Variants in BMPER observed in about 807,000 individuals in gnomAD.
The protein encoded by BMPER is BMP-binding endothelial regulator protein.
In BMPER, 45 loss-of-function variants were observed where a neutral mutation model predicts 87.3. The ratio of observed to expected loss-of-function variants is 0.52; its 90% CI spans 0.41 to 0.66. The LOEUF is 0.66. Among genes scored for constraint, BMPER ranks in the 30% least tolerant of loss-of-function variants. BMPER has a pLI of 0.00. For synonymous variants in BMPER, 326 were observed against 316.2 expected (o/e 1.03, Z -0.33); for missense variants, 784 against 867.5 (o/e 0.90, Z 1.21).
chr7:33,993,534 A>C (rs1221989727), intron 6 of BMPER, among the ~76,000 whole-genome samples: 1 of 151,626 alleles, frequency 6.6e-6, no homozygotes, highest in African/African-American at 2.4e-5. Flanking sequence ...TTTTTTTTCA[A>C]AGTTTTCAAC....
intron 6 of BMPER, among the ~76,000 whole-genome samples, chr7:34,020,026 A>G (rs1198554738): frequency 6.7e-6 from 1 of 150,162 alleles, no homozygotes; most frequent in Non-Finnish European, 1.5e-5. Flanking sequence ...GGAAAGAAGG[A>G]TTTGAAAGGG....
chr7:34,015,887 T>C (rs1261421925), intron 6 of BMPER, among the ~76,000 whole-genome samples: 1 of 151,816 alleles, frequency 6.6e-6, no homozygotes, highest in Non-Finnish European at 1.5e-5. Context: ...AAATAACATA[T>C]GTTTTAGGAG....
chr7:34,092,655 G>C (rs1186886132), intron 13 of BMPER, among the ~76,000 whole-genome samples: 1 of 152,126 alleles, frequency 6.6e-6, no homozygotes, highest in African/African-American at 2.4e-5. Flanking sequence ...TCACCCACAA[G>C]TAGGCTTTTT....
chr7:34,111,736 G>C (rs2127986225), intron 13 of BMPER, among the ~76,000 whole-genome samples: 1 of 152,084 alleles, frequency 6.6e-6, no homozygotes, highest in East Asian at 1.9e-4. Flanking sequence ...ATTTTGAGAT[G>C]GAGTTTCACT....
At chr7:34,001,420 C>G (rs943134958) in intron 6 of BMPER, among the ~76,000 whole-genome samples, 1 of 151,732 alleles carries the variant, frequency 6.6e-6, no homozygotes, top group Non-Finnish European at 1.5e-5. Context: ...TTGTGTGTTT[C>G]TAGGAGTTTG....
At chr7:33,932,626 T>A (rs1784508888) in intron 2 of BMPER, among the ~76,000 whole-genome samples, 1 of 152,148 alleles carries the variant, frequency 6.6e-6, no homozygotes, top group Non-Finnish European at 1.5e-5. Flanking sequence ...TTTGTGATGG[T>A]GTTTCATAGT....
At chr7:34,057,940 A>G (rs1466139058) in intron 9 of BMPER, 119 bp from the exon 10 acceptor site, 2 of 804,286 alleles carry the variant, frequency 2.5e-6, no homozygotes, top group East Asian at 5.3e-5. Flanking sequence ...CATTTAGTCT[A>G]ATGATGGCGT....
chr7:34,068,567 A>G (rs1402487903), intron 11 of BMPER, among the ~76,000 whole-genome samples: 1 of 122,788 alleles, frequency 8.1e-6, no homozygotes, highest in Non-Finnish European at 1.7e-5. Context: ...CTCTGAGCTC[A>G]CTGACAAACT....
chr7:34,091,612 G>A (rs1789382950), intron 13 of BMPER, among the ~76,000 whole-genome samples: 2 of 152,094 alleles, frequency 1.3e-5, no homozygotes, highest in African/African-American at 4.8e-5. Context: ...GAACATCCCT[G>A]CCTCTGAGTT....
intron 14 of BMPER, among the ~76,000 whole-genome samples, chr7:34,152,302 C>A (rs1054282683): frequency 6.6e-6 from 1 of 152,086 alleles, no homozygotes; most frequent in Admixed American, 6.6e-5. Context: ...GAATGAGGGG[C>A]GGCCCCTTCA....
At position 34,086,221 on chromosome 7, in the gene BMPER, C is replaced by T. The variant is rs553672659; in HGVS notation, c.1745+129C>T. ...AAAACCCAGGGTAGGCATCTTCTTG[C>T]TGTCCAGGAGCTGATCTCATCTTGA... is the stretch of plus-strand genomic sequence containing the variant. On this transcript the variant is annotated intron_variant, in intron 13 of 14. Coordinates refer to ENST00000649409, the MANE Select transcript of BMPER (RefSeq NM_001365308.1). The T allele has an allele frequency of 1.7e-5, 18 of 1,068,550 alleles. No individual in the cohort carries two copies. In the South Asian group the frequency reaches 2.3e-4, roughly 14 times the overall value. The allele number at this position is 1,068,550 out of a possible 1,614,324, so 66.2% of individuals were successfully genotyped here. A position where few individuals can be genotyped will look rare whatever the true frequency, so the allele number is the denominator to read the frequency against.
intron 1 of BMPER, among the ~76,000 whole-genome samples, chr7:33,906,584 G>C: frequency 6.6e-6 from 1 of 152,194 alleles, no homozygotes; most frequent in South Asian, 2.1e-4. Flanking sequence ...TCTGAGAACA[G>C]ATAATTTATC....
At chr7:33,967,342 T>C (rs1785431009) in intron 4 of BMPER, among the ~76,000 whole-genome samples, 1 of 152,258 alleles carries the variant, frequency 6.6e-6, no homozygotes, top group Non-Finnish European at 1.5e-5. Context: ...TCCAAGGATA[T>C]GCTTTTGCAT....
At chr7:33,939,449 G>C (rs1033413779) in intron 3 of BMPER, among the ~76,000 whole-genome samples, 4 of 152,106 alleles carry the variant, frequency 2.6e-5, no homozygotes, top group South Asian at 2.1e-4. Context: ...AACGCATTTG[G>C]GGGGAGGTCA....
chr7:33,918,625 G>A (rs1259612351), intron 2 of BMPER, among the ~76,000 whole-genome samples: 1 of 152,236 alleles, frequency 6.6e-6, no homozygotes, highest in Non-Finnish European at 1.5e-5. Context: ...CATGAAAGAT[G>A]AAGCAGATAT....
In BMPER at chr7:34,061,801, CTT is replaced by C. The variant is rs112325403; in HGVS notation, c.1033-199_1033-198del. 8.9e-3 allele frequency among the ~76,000 whole-genome samples: 1,350 copies of C among 152,310 alleles called. 13 individuals are homozygous for C. The highest frequency in any genetic ancestry group is 0.03 in the African/African-American group (1,262 of 41,566). On this transcript the variant is annotated intron_variant, in intron 10 of 14. Transcript: ENST00000649409. ...AAAAACAGGAAAGCTTGCTGAATGA[CTT>C]TGCCTGGCCTTAGAACCTGATACTT... is the stretch of plus-strand genomic sequence containing the variant.
chr7:34,026,927 C>T lies in BMPER; in HGVS notation c.577-19379C>T, dbSNP rs563737280. Among the ~76,000 whole-genome samples the T allele has an allele frequency of 3.3e-5, 5 of 152,160 alleles. No homozygotes were observed. The South Asian group carries it at 8.3e-4, about 25-fold the overall frequency. The stretch of plus-strand genomic sequence containing the variant: ...TTGATGGCCCATATTTGGCTGGCTC[C>T]GTGGGTGGCTATTGACTTCCTCTTC... On this transcript the variant is annotated intron_variant, in intron 6 of 14. Coordinates refer to ENST00000649409, the MANE Select transcript of BMPER (RefSeq NM_001365308.1).
intron 14 of BMPER, 152 bp from the exon 15 acceptor site, chr7:34,152,940 G>A (rs1312698805): frequency 1.2e-6 from 1 of 857,478 alleles, no homozygotes; most frequent in Non-Finnish European, 1.9e-6. Flanking sequence ...AGAATGTTGG[G>A]TGTTTGTCAT....
intron 14 of BMPER, among the ~76,000 whole-genome samples, chr7:34,146,486 T>G (rs1791025134): frequency 6.6e-6 from 1 of 152,218 alleles, no homozygotes; most frequent in South Asian, 2.1e-4. Flanking sequence ...AGGGCTATAG[T>G]GAAAGTATAT....
Sources: gnomAD v4.1 joint callset for allele counts (sites outside exome capture counted in the v4.1 genomes callset) on GRCh38, gnomAD v4.1.1 for gene constraint, MANE v1.5 for transcripts, NCBI Gene and HGNC (gene_info 2026-07-23, HGNC 2026-07-21) for gene names.